Variants in MAPK8IP3 observed in about 807,000 individuals in gnomAD.
MAPK8IP3 encodes C-Jun-amino-terminal kinase-interacting protein 3.
A neutral mutation model predicts 157.8 loss-of-function variants in MAPK8IP3; 49 were observed. The ratio of observed to expected loss-of-function variants is 0.31; its 90% CI spans 0.25 to 0.39. The LOEUF (loss-of-function observed/expected upper bound fraction) is 0.39. MAPK8IP3 is among the 10% of genes least tolerant of loss of function. The pLI is 1.00. For missense variants in MAPK8IP3, 1,478 were observed against 1,889.4 expected (o/e 0.78, Z 4.04); for synonymous variants, 897 against 777.7 (o/e 1.15, Z -2.55).
Position 1,766,240 on chromosome 16 carries a change from A to G in MAPK8IP3, c.2650A>G (p.Asn884Asp), listed in dbSNP as rs763163611. 5.0e-5 allele frequency: 80 copies of G among 1,610,194 alleles called. No homozygotes were observed. The highest frequency in any genetic ancestry group is 6.4e-5 in the Non-Finnish European group (76 of 1,178,408). The change falls in exon 22 of 32, where the codon AAC becomes GAC. Residue 884 changes from asparagine (N) to aspartate (D), a missense_variant. This residue lies in a region of MAPK8IP3 where 669 missense variants were observed against 759.8 expected (regional missense o/e 0.88). Coordinates refer to ENST00000610761, the MANE Select transcript of MAPK8IP3 (RefSeq NM_001318852.2). ...KGQGEVATIA[N>D]GKVNPSQSTE... ...CACAGGGGAGGTGGCCACCATCGCC[A>G]ACGGGAAGGTCAACCCGTCCCAGTC...
chr16:1,714,021 G>A (rs930045895), intron 1 of MAPK8IP3: 1 of 152,180 alleles, frequency 6.6e-6, no homozygotes, highest in Admixed American at 6.6e-5. Flanking sequence ...GTCACTGTAG[G>A]TTAATTTGCA....
rs769723016 is a variant in MAPK8IP3 at position 1,768,889 on chromosome 16, C to G, written c.*65C>G. 37 of 1,575,436 alleles carry G rather than the reference C, an allele frequency of 2.3e-5. No individual in the cohort carries two copies. The highest frequency in any genetic ancestry group is 2.8e-5 in the Non-Finnish European group (33 of 1,159,820). The stretch of plus-strand genomic sequence containing the variant: ...CCGACCACCTGACCCCCGCCCGGCC[C>G]GCGGGGTAGCCAGCCAGGCGCCGCC... On this transcript the variant is annotated 3_prime_UTR_variant, in exon 32 of 32. Transcript: ENST00000610761.
At chr16:1,739,969 A>T (rs1172439335) in intron 4 of MAPK8IP3, among the ~76,000 whole-genome samples, 3 of 68,254 alleles carry the variant, frequency 4.4e-5, no homozygotes, top group East Asian at 4.3e-4. Flanking sequence ...CGTCCGTGTG[A>T]GCGTGTGACC....
chr16:1,750,502 C>G (rs1413814099), intron 8 of MAPK8IP3, among the ~76,000 whole-genome samples: 1 of 152,118 alleles, frequency 6.6e-6, no homozygotes, highest in Non-Finnish European at 1.5e-5. Flanking sequence ...TGTGAGCCAC[C>G]ATGCCCGGCC....
At chr16:1,722,041 A>T (rs1370812150) in intron 1 of MAPK8IP3, among the ~76,000 whole-genome samples, 2 of 152,202 alleles carry the variant, frequency 1.3e-5, no homozygotes, top group Non-Finnish European at 2.9e-5. Flanking sequence ...GAGTGCTGGG[A>T]TTACAGGCGT....
At chr16:1,747,953 C>G (rs539188290) in intron 6 of MAPK8IP3, among the ~76,000 whole-genome samples, 139 of 152,338 alleles carry the variant, frequency 9.1e-4, no homozygotes, top group Admixed American at 3.7e-3. Context: ...AGAGGAGGTC[C>G]AGCCACTGGC....
intron 4 of MAPK8IP3, among the ~76,000 whole-genome samples, chr16:1,730,673 C>T (rs975485131): frequency 6.6e-6 from 1 of 152,112 alleles, no homozygotes; most frequent in African/African-American, 2.4e-5. Flanking sequence ...GAAACCCCAT[C>T]TCTACTAAAA....
intron 1 of MAPK8IP3, among the ~76,000 whole-genome samples, chr16:1,717,793 C>T (rs1177563940): frequency 1.3e-5 from 2 of 152,002 alleles, no homozygotes; most frequent in Non-Finnish European, 2.9e-5. Flanking sequence ...ATTTTGTAAT[C>T]GTGCTTTATA....
chr16:1,724,712 A>T lies in MAPK8IP3; in HGVS notation c.439+35A>T. ...TGGCGGGAGCCTGGAGGCGCGCTTG[A>T]TGGGCGCTGCTCTGGGACGGCTCTG... On this transcript the variant is annotated intron_variant, in intron 2 of 31. Transcript: ENST00000610761. This position sits in a 1 kb window ranked among gnomAD's most constrained non-coding sequence, Gnocchi z 4.1. 1 of 1,603,326 alleles carries T rather than the reference A, an allele frequency of 6.2e-7. No individual in the cohort carries two copies. Among genetic ancestry groups the T allele is most frequent in the East Asian group, 2.2e-5 (1 of 44,656 alleles).
In MAPK8IP3 at chr16:1,724,881, C is replaced by T. The variant is rs1370712890; in HGVS notation, c.439+204C>T. Among the ~76,000 whole-genome samples, 1 of 152,214 alleles carries T rather than the reference C, an allele frequency of 6.6e-6. No individual in the cohort carries two copies. The highest frequency in any genetic ancestry group is 1.5e-5 in the Non-Finnish European group (1 of 68,036). Reference sequence around the variant, plus strand: ...GTGTGTGGAAATAAGTAAATCAGGCCACTGTGGCCCCATAGCACTTTTGCT... The same window carrying T: ...GTGTGTGGAAATAAGTAAATCAGGCTACTGTGGCCCCATAGCACTTTTGCT... On this transcript the variant is annotated intron_variant, in intron 2 of 31. Transcript: ENST00000610761. The surrounding 1 kb of genome is among the most constrained non-coding windows in gnomAD (Gnocchi z 4.1).
At chr16:1,715,338 G>C (rs1471134503) in intron 1 of MAPK8IP3, among the ~76,000 whole-genome samples, 8 of 152,120 alleles carry the variant, frequency 5.3e-5, no homozygotes, top group Non-Finnish European at 1.2e-4. Flanking sequence ...TAACTCCAGA[G>C]CCACCCCCTG....
intron 1 of MAPK8IP3, among the ~76,000 whole-genome samples, chr16:1,708,703 C>T (rs994676420): frequency 3.3e-5 from 5 of 152,092 alleles, no homozygotes; most frequent in African/African-American, 1.2e-4. Flanking sequence ...TGCCCCAGCG[C>T]TTTAGAGAAG....
intron 1 of MAPK8IP3, among the ~76,000 whole-genome samples, chr16:1,708,329 C>T (rs555701625): frequency 7.9e-5 from 12 of 152,354 alleles, no homozygotes; most frequent in Admixed American, 5.9e-4. Flanking sequence ...GGGCTGCCCT[C>T]GCTCAGCTGT....
intron 19 of MAPK8IP3, 91 bp downstream of exon 19, chr16:1,764,550 G>A (rs1238562813): frequency 6.7e-7 from 1 of 1,491,732 alleles, no homozygotes; most frequent in Non-Finnish European, 9.0e-7. Flanking sequence ...ACACAGGACA[G>A]CTGGGGACAG....
At chr16:1,729,965 T>C (rs1463656018) in intron 4 of MAPK8IP3, among the ~76,000 whole-genome samples, 3 of 146,796 alleles carry the variant, frequency 2.0e-5, no homozygotes, top group Non-Finnish European at 4.4e-5. Flanking sequence ...TCCTAGAACT[T>C]TGGGAGGCCA....
At chr16:1,708,931 C>T (rs1403120812) in intron 1 of MAPK8IP3, among the ~76,000 whole-genome samples, 1 of 152,148 alleles carries the variant, frequency 6.6e-6, no homozygotes, top group Admixed American at 6.5e-5. Flanking sequence ...CCCTGTGGGT[C>T]GGCGTCTTTT....
chr16:1,748,890 CAG>C (rs769976043), intron 8 of MAPK8IP3, 170 bp downstream of exon 8: 1 of 753,810 alleles, frequency 1.3e-6, no homozygotes. Flanking sequence ...TCCATCTCCA[CAG>C]GGGATTGGTT....
intron 6 of MAPK8IP3, 38 bp from the exon 7 acceptor site, chr16:1,748,206 C>A: frequency 6.6e-7 from 1 of 1,522,846 alleles, no homozygotes; most frequent in Non-Finnish European, 9.1e-7. Context: ...GCTGCCAGAC[C>A]CTCTCCTGAC....
At chr16:1,763,149 CCCTGCACACTG>C in intron 16 of MAPK8IP3, 143 bp downstream of exon 16, 1 of 1,059,058 alleles carries the variant, frequency 9.4e-7, no homozygotes, top group East Asian at 2.6e-5. Flanking sequence ...CGTGACCTCT[CCCTGCACACTG>C]CCTGCCCCTC....
Sources: gnomAD v4.1 joint callset for allele counts (sites outside exome capture counted in the v4.1 genomes callset) on GRCh38, gnomAD v4.1.1 for gene constraint, gnomAD v4.1.1 regional missense constraint, Gnocchi (gnomAD v3.1) non-coding constraint, MANE v1.5 for transcripts, NCBI Gene and HGNC (gene_info 2026-07-23, HGNC 2026-07-21) for gene names.